DDX4: variants seen among roughly 807,000 people sequenced by gnomAD.
DDX4 encodes DEAD-box helicase 4, also known as probable ATP-dependent RNA helicase DDX4.
A neutral mutation model predicts 100.0 loss-of-function variants in DDX4; 25 were observed. The observed-to-expected ratio is 0.25, with a 90% CI of 0.18 to 0.35. The LOEUF is 0.35. Among genes scored for constraint, DDX4 ranks in the 10% least tolerant of loss-of-function variants. The probability of loss-of-function intolerance (pLI) is 1.00; values close to 1 mark genes in which losing one functional copy is unlikely to be tolerated. For synonymous variants in DDX4, 259 were observed against 275.7 expected, an observed-to-expected ratio of 0.94 and a Z score of 0.60; for missense variants, 635 against 882.4, an observed-to-expected ratio of 0.72 and a Z score of 3.55.
At chr5:55,761,269 C>G (rs1450567480) in intron 4 of DDX4, among the ~76,000 whole-genome samples, 2 of 151,986 alleles carry the variant, frequency 1.3e-5, no homozygotes, top group African/African-American at 2.4e-5. Flanking sequence ...TTGTTAGCTA[C>G]TATTAAAATT....
chr5:55,778,945 C>T (rs1432618190), intron 7 of DDX4, among the ~76,000 whole-genome samples: 1 of 151,370 alleles, frequency 6.6e-6, no homozygotes, highest in Non-Finnish European at 1.5e-5. Context: ...TCGTAAAACT[C>T]TAACATAACA....
intron 16 of DDX4, among the ~76,000 whole-genome samples, chr5:55,791,834 G>A (rs1742580551): frequency 6.6e-6 from 1 of 152,124 alleles, no homozygotes. Flanking sequence ...CAGATAGGCT[G>A]GGTGCAGTGG....
intron 9 of DDX4, 102 bp from the exon 10 acceptor site, chr5:55,781,831 AT>A: frequency 2.3e-6 from 3 of 1,313,602 alleles, no homozygotes; most frequent in Non-Finnish European, 3.2e-6. Flanking sequence ...AAGGACCAGG[AT>A]TCCTAAGTAA....
rs3990072 is a variant in DDX4 at position 55,796,823 on chromosome 5, C to CTTTTTTTTTTTTTTTTTTTTTTTTTTTTT, written c.1470-1597_1470-1569dup. Among the ~76,000 whole-genome samples the CTTTTTTTTTTTTTTTTTTTTTTTTTTTTT allele has an allele frequency of 1.0e-3, 62 of 59,940 alleles. 9 individuals carry two copies. Among genetic ancestry groups the CTTTTTTTTTTTTTTTTTTTTTTTTTTTTT allele is most frequent in the Non-Finnish European group, 1.4e-3 (42 of 30,908 alleles). 39.3% of individuals were successfully genotyped at this position (59,940 alleles called of 152,430 possible). A position where few individuals can be genotyped will look rare whatever the true frequency, so the allele number is the denominator to read the frequency against. On this transcript the variant is annotated intron_variant, in intron 17 of 21. Coordinates refer to ENST00000505374, the MANE Select transcript of DDX4 (RefSeq NM_024415.3). ...TTTTCTTTTCTTTTTTTCTTTCTTT[C>CTTTTTTTTTTTTTTTTTTTTTTTTTTTTT]TTTTTTTTTTTTTTTTTTTTTTTTT...
chr5:55,788,958 T>A (rs1195176974), intron 15 of DDX4, among the ~76,000 whole-genome samples: 1 of 151,994 alleles, frequency 6.6e-6, no homozygotes, highest in African/African-American at 2.4e-5. Context: ...TCCCAGCTAC[T>A]TGGGAGCCTG....
chr5:55,754,459 A>C (rs1007583987), intron 3 of DDX4, among the ~76,000 whole-genome samples: 28 of 139,258 alleles, frequency 2.0e-4, no homozygotes, highest in African/African-American at 6.5e-4. Flanking sequence ...GGCTCTGTTT[A>C]TATGCTGGAT....
At chr5:55,745,054 A>AT (rs1759179563) in intron 2 of DDX4, among the ~76,000 whole-genome samples, 1 of 151,844 alleles carries the variant, frequency 6.6e-6, no homozygotes, top group African/African-American at 2.4e-5. Context: ...CTAATTTTGT[A>AT]TTTTTAGTAG....
rs148463994 is a variant in DDX4, at chr5:55,814,768, G to A, written c.1716-133G>A. On this transcript the variant is annotated intron_variant, in intron 19 of 21. Transcript: ENST00000505374. Reference sequence around the variant, plus strand: ...GCCTCCCAAAGTGCTGGGGTTACAGGTGTGAGCCACTGCGCCCAGCCAAAT... The same window carrying A: ...GCCTCCCAAAGTGCTGGGGTTACAGATGTGAGCCACTGCGCCCAGCCAAAT... The A allele has an allele frequency of 5.3e-4, 484 of 921,014 alleles. 3 individuals are homozygous for A. The African/African-American group carries it at 7.2e-3, about 14-fold the overall frequency. The allele number at this position is 921,014 out of a possible 1,614,324, so 57.1% of individuals were successfully genotyped here. A position where few individuals can be genotyped will look rare whatever the true frequency, so the allele number is the denominator to read the frequency against.
At chr5:55,770,791 A>G (rs1048057214) in intron 7 of DDX4, among the ~76,000 whole-genome samples, 3 of 152,194 alleles carry the variant, frequency 2.0e-5, no homozygotes, top group Non-Finnish European at 4.4e-5. Context: ...AAGCTAAGAA[A>G]AAACAAGACT....
chr5:55,798,699 C>T (rs879922857), intron 18 of DDX4, 128 bp downstream of exon 18: 65 of 760,028 alleles, frequency 8.6e-5, no homozygotes, highest in Non-Finnish European at 1.1e-4. Context: ...CCCTCTAAAG[C>T]TCTTTTATAA....
chr5:55,808,704 G>C (rs1254502664), intron 18 of DDX4, among the ~76,000 whole-genome samples: 1 of 152,236 alleles, frequency 6.6e-6, no homozygotes, highest in Non-Finnish European at 1.5e-5. Flanking sequence ...GTACCTGGCT[G>C]TGTGAGGTGT....
intron 7 of DDX4, among the ~76,000 whole-genome samples, chr5:55,770,207 T>A (rs1456794422): frequency 1.7e-5 from 2 of 120,060 alleles, no homozygotes; most frequent in African/African-American, 6.7e-5. Flanking sequence ...TGGTTGTGGT[T>A]TTTTTTTCCC....
At chr5:55,759,998 A>C (rs1027582008) in intron 3 of DDX4, among the ~76,000 whole-genome samples, 2 of 151,600 alleles carry the variant, frequency 1.3e-5, no homozygotes, top group Admixed American at 1.3e-4. Flanking sequence ...TTTATGAATC[A>C]GATTTAGTCA....
intron 9 of DDX4, among the ~76,000 whole-genome samples, chr5:55,781,483 G>C (rs1172498245): frequency 6.6e-6 from 1 of 152,104 alleles, no homozygotes; most frequent in Non-Finnish European, 1.5e-5. Context: ...TAAGGTTAAA[G>C]TTAAACCTAG....
chr5:55,780,101 A>G, intron 8 of DDX4, 36 bp downstream of exon 8: 1 of 1,607,950 alleles, frequency 6.2e-7, no homozygotes, highest in Non-Finnish European at 8.5e-7. Flanking sequence ...TGCTTCATTA[A>G]CTGTTAAAAA....
chr5:55,787,144 G>A (rs1050232426), intron 14 of DDX4, among the ~76,000 whole-genome samples: 4 of 152,182 alleles, frequency 2.6e-5, no homozygotes, highest in African/African-American at 9.6e-5. Context: ...TAATCTGGGA[G>A]ATTTGTGTGT....
intron 19 of DDX4, 92 bp from the exon 20 acceptor site, chr5:55,814,809 A>G (rs559691383): frequency 5.3e-5 from 75 of 1,413,738 alleles, no homozygotes; most frequent in Middle Eastern, 3.7e-4. Flanking sequence ...TATTCATACT[A>G]TTATTAAAAA....
intron 6 of DDX4, chr5:55,767,061 A>G: frequency 1.4e-6 from 2 of 1,429,136 alleles, no homozygotes; most frequent in South Asian, 1.4e-5. Flanking sequence ...TGGAGAAGCT[A>G]GGATATCCCC....
At chr5:55,808,868 C>T (rs932639443) in intron 18 of DDX4, among the ~76,000 whole-genome samples, 1 of 152,212 alleles carries the variant, frequency 6.6e-6, no homozygotes, top group Admixed American at 6.5e-5. Flanking sequence ...TTTAAGTCTG[C>T]AGAGGATTCT....
Sources: gnomAD v4.1 joint callset for allele counts (sites outside exome capture counted in the v4.1 genomes callset) on GRCh38, gnomAD v4.1.1 for gene constraint, MANE v1.5 for transcripts, NCBI Gene and HGNC (gene_info 2026-07-23, HGNC 2026-07-21) for gene names.